Variants in PHACTR1 observed in about 807,000 individuals in gnomAD.
PHACTR1 encodes the protein RPEL repeat containing 1.
In PHACTR1, 16 loss-of-function variants were observed where a neutral mutation model predicts 69.2. The ratio of observed to expected loss-of-function variants is 0.23; its 90% CI spans 0.16 to 0.35. The LOEUF (loss-of-function observed/expected upper bound fraction) is 0.35. Ranked by LOEUF, PHACTR1 falls within the 10% of genes least tolerant of loss-of-function variation. The pLI, the probability that PHACTR1 is intolerant of heterozygous loss-of-function variation, is 1.00. For missense variants in PHACTR1, 510 were observed against 734.7 expected (o/e 0.69, Z 3.54); for synonymous variants, 312 against 284.5 (o/e 1.10, Z -0.97).
At chr6:13,059,352 T>C (rs949232706) in intron 5 of PHACTR1, among the ~76,000 whole-genome samples, 2 of 152,132 alleles carry the variant, frequency 1.3e-5, no homozygotes, top group African/African-American at 2.4e-5. Flanking sequence ...TTATGCAAGA[T>C]GAATAAGTTC....
rs538521410 is a variant in PHACTR1 at position 13,080,801 on chromosome 6, C to G, written c.415+27272C>G. 3.9e-5 allele frequency among the ~76,000 whole-genome samples: 6 copies of G among 152,160 alleles called. No individual in the cohort carries two copies. In the East Asian group the frequency reaches 1.2e-3, roughly 29 times the overall value. ...ATAAATATGTGTTAGGAATTAAGTA[C>G]TACAGTAATGATAGAGCTTTCTCCA... On this transcript the variant is annotated intron_variant, in intron 5 of 14. Transcript: ENST00000332995.
chr6:12,794,583 A>G (rs1345263875), intron 4 of PHACTR1, among the ~76,000 whole-genome samples: 4 of 152,260 alleles, frequency 2.6e-5, no homozygotes, highest in Non-Finnish European at 4.4e-5. Context: ...ACTTAGCCTG[A>G]TATATATCTA....
intron 4 of PHACTR1, among the ~76,000 whole-genome samples, chr6:12,908,754 C>T (rs1226504571): frequency 1.3e-5 from 2 of 152,110 alleles, no homozygotes; most frequent in Non-Finnish European, 2.9e-5. Flanking sequence ...TGCAGGTCAG[C>T]CGGGTGCTGG....
rs1186767348 is a variant in PHACTR1 at position 13,245,782 on chromosome 6, T to C, written c.1391+15589T>C. 1.3e-5 allele frequency among the ~76,000 whole-genome samples: 2 copies of C among 152,188 alleles called. No individual in the cohort carries two copies. The highest frequency in any genetic ancestry group is 2.9e-5 in the Non-Finnish European group (2 of 68,042). On this transcript the variant is annotated intron_variant, in intron 10 of 14. Transcript: ENST00000332995. This position sits in a 1 kb window ranked among gnomAD's most constrained non-coding sequence, Gnocchi z 4.1. ...GGTTATCTTCCAGGGTTTTTATAGT[T>C]TTAGGTTTTAAGTCTTTTAATCTAT...
chr6:12,921,764 A>G (rs67527009), intron 4 of PHACTR1, among the ~76,000 whole-genome samples: 114,989 of 119,038 alleles, frequency 0.97, 55,631 homozygotes, highest in Non-Finnish European at 0.99. Context: ...AGGAAGGAAG[A>G]AGGAAGGGAG....
At chr6:12,980,601 A>G (rs1314864109) in intron 4 of PHACTR1, among the ~76,000 whole-genome samples, 1 of 151,988 alleles carries the variant, frequency 6.6e-6, no homozygotes, top group African/African-American at 2.4e-5. Flanking sequence ...TTTGAGTCAC[A>G]AGCAGAATGA....
intron 4 of PHACTR1, among the ~76,000 whole-genome samples, chr6:12,908,239 A>G (rs1785967331): frequency 6.6e-6 from 1 of 152,234 alleles, no homozygotes. Context: ...CAAGATCGTT[A>G]TCGAGTTCCC....
At chr6:12,746,773 T>C (rs1765833974) in intron 3 of PHACTR1, among the ~76,000 whole-genome samples, 1 of 152,228 alleles carries the variant, frequency 6.6e-6, no homozygotes, top group South Asian at 2.1e-4. Context: ...TTCTCTGAAA[T>C]GGCAGAGCTA....
At chr6:13,154,950 A>G (rs145929409) in intron 5 of PHACTR1, among the ~76,000 whole-genome samples, 132 of 151,958 alleles carry the variant, frequency 8.7e-4, no homozygotes, top group Admixed American at 2.3e-3. Flanking sequence ...TTTTTTCCCC[A>G]TATCAACCCC....
At chr6:12,780,568 A>G (rs1770691298) in intron 4 of PHACTR1, among the ~76,000 whole-genome samples, 1 of 152,168 alleles carries the variant, frequency 6.6e-6, no homozygotes, top group East Asian at 1.9e-4. Flanking sequence ...GCTGCCATCT[A>G]CCTAAAGAAT....
Position 12,744,448 on chromosome 6 carries a change from TA to T in PHACTR1, c.104-5192del, listed in dbSNP as rs762852751. Among the ~76,000 whole-genome samples the T allele has an allele frequency of 6.6e-5, 10 of 152,314 alleles. No homozygotes were observed. In the South Asian group the frequency reaches 2.1e-3, roughly 32 times the overall value. On this transcript the variant is annotated intron_variant, in intron 3 of 14. Transcript: ENST00000332995. ...ACAGGAGTACACTTTACTCAATTGT[TA>T]AAAGCTGTCAATAAAAAGAAAAGTT...
intron 4 of PHACTR1, among the ~76,000 whole-genome samples, chr6:12,805,829 G>A (rs1172754621): frequency 2.0e-5 from 3 of 152,258 alleles, no homozygotes; most frequent in Admixed American, 6.5e-5. Flanking sequence ...TCGAACTCCT[G>A]ACTTCAGGTG....
intron 4 of PHACTR1, among the ~76,000 whole-genome samples, chr6:12,893,010 G>C (rs959565575): frequency 2.0e-5 from 3 of 152,206 alleles, no homozygotes; most frequent in Admixed American, 6.5e-5. Flanking sequence ...AAGAGAGAGA[G>C]AGAAAGCACA....
intron 4 of PHACTR1, among the ~76,000 whole-genome samples, chr6:13,048,085 G>A (rs1351548485): frequency 6.6e-6 from 1 of 152,116 alleles, no homozygotes; most frequent in Non-Finnish European, 1.5e-5. Flanking sequence ...CCACCCTATG[G>A]GTAAAACAAA....
At chr6:13,197,140 A>T (rs568412779) in intron 7 of PHACTR1, among the ~76,000 whole-genome samples, 57 of 152,346 alleles carry the variant, frequency 3.7e-4, no homozygotes, top group African/African-American at 1.2e-3. Flanking sequence ...GGAATGTATT[A>T]TGATGTTTGT....
At chr6:13,211,917 C>A (rs9942440) in intron 8 of PHACTR1, among the ~76,000 whole-genome samples, 90,675 of 151,802 alleles carry the variant, frequency 0.6, 27,773 homozygotes, top group Non-Finnish European at 0.67. Context: ...CATTTAAAAA[C>A]ACACACACAC....
At chr6:12,887,419 A>C (rs1388793091) in intron 4 of PHACTR1, among the ~76,000 whole-genome samples, 1 of 152,068 alleles carries the variant, frequency 6.6e-6, no homozygotes, top group Admixed American at 6.6e-5. Flanking sequence ...CATTTCCCCA[A>C]ATCTTACTTG....
intron 6 of PHACTR1, among the ~76,000 whole-genome samples, chr6:13,167,404 T>C (rs1401358305): frequency 2.6e-5 from 4 of 152,190 alleles, no homozygotes; most frequent in Non-Finnish European, 5.9e-5. Flanking sequence ...GTATCTTTTA[T>C]TGGGAGGATG....
chr6:13,231,080 GAA>G lies in PHACTR1; in HGVS notation c.1391+888_1391+889del, dbSNP rs1562036859. Reference sequence around the variant, plus strand: ...GGAAGGAAGGAAGGAAGGAAGGAAGGAAGGAAGAAGGAAGGAAGGGAAAAGAA... The same window carrying G: ...GGAAGGAAGGAAGGAAGGAAGGAAGGGGAAGAAGGAAGGAAGGGAAAAGAA... On this transcript the variant is annotated intron_variant, in intron 10 of 14. Coordinates refer to ENST00000332995, the MANE Select transcript of PHACTR1 (RefSeq NM_030948.6). Among the ~76,000 whole-genome samples, 4 of 11,500 alleles carry G rather than the reference GAA, an allele frequency of 3.5e-4. 1 individual carries two copies. Among genetic ancestry groups the G allele is most frequent in the African/African-American group, 1.1e-3 (2 of 1,892 alleles). The allele number at this position is 11,500 out of a possible 152,430, so 7.5% of individuals were successfully genotyped here.
Sources: allele counts gnomAD v4.1 joint callset (sites outside exome capture counted in the v4.1 genomes callset), GRCh38; gene constraint gnomAD v4.1.1; non-coding constraint Gnocchi (gnomAD v3.1); transcripts MANE v1.5; gene names NCBI Gene and HGNC (gene_info 2026-07-23, HGNC 2026-07-21).